Variants in DENND3 observed in about 807,000 individuals in gnomAD.
The protein encoded by DENND3 is DENN domain containing 3.
In DENND3, 88 loss-of-function variants were observed where a neutral mutation model predicts 135.1. That is an observed-to-expected ratio of 0.65 (90% CI 0.55 to 0.78). The LOEUF is 0.78. Ranked by LOEUF, DENND3 falls within the 30% of genes least tolerant of loss-of-function variation. DENND3 has a pLI of 0.00. For missense variants in DENND3, 1,392 were observed against 1,688.4 expected (o/e 0.82, Z 3.08); for synonymous variants, 693 against 712.3 (o/e 0.97, Z 0.43).
chr8:141,144,613 C>G lies in DENND3; in HGVS notation c.735+354C>G, dbSNP rs897291599. ...ACTGAACAGGTTCCCTCTTGGCCAA[C>G]GGGACCCTAGAAAAACCTTAAAAAT... On this transcript the variant is annotated intron_variant, in intron 5 of 22. Transcript: ENST00000519811. This position sits in a 1 kb window ranked among gnomAD's most constrained non-coding sequence, Gnocchi z 4.4. 7.9e-5 allele frequency among the ~76,000 whole-genome samples: 12 copies of G among 151,874 alleles called. No homozygotes were observed. The highest frequency in any genetic ancestry group is 2.7e-4 in the African/African-American group (11 of 41,408).
chr8:141,162,517 T>A (rs981250788), intron 9 of DENND3, among the ~76,000 whole-genome samples: 1 of 152,232 alleles, frequency 6.6e-6, no homozygotes, highest in Non-Finnish European at 1.5e-5. Flanking sequence ...AAGAAAACAC[T>A]GAACACATTA....
intron 8 of DENND3, chr8:141,157,915 A>G (rs1819645108): frequency 3.1e-5 from 27 of 884,432 alleles, no homozygotes; most frequent in Non-Finnish European, 3.8e-5. Flanking sequence ...ATCTGTGACC[A>G]TGCCCGACTA....
rs1179602937 is a variant in DENND3 at position 141,167,897 on chromosome 8, A to AT, written c.1754-103dup. On this transcript the variant is annotated intron_variant, in intron 12 of 22. Transcript: ENST00000519811. The surrounding 1 kb of genome is among the most constrained non-coding windows in gnomAD (Gnocchi z 4.1). ...GAGGGAGCACACCCATTCTCATTTT[A>AT]TTTTGCATCCAGAGAAACATTGTCC... The AT allele has an allele frequency of 1.4e-6, 2 of 1,465,828 alleles. No individual in the cohort carries two copies. Among genetic ancestry groups the AT allele is most frequent in the Non-Finnish European group, 1.8e-6 (2 of 1,086,974 alleles). The allele number at this position is 1,465,828 out of a possible 1,614,324, so 90.8% of individuals were successfully genotyped here. A position where few individuals can be genotyped will look rare whatever the true frequency, so the allele number is the denominator to read the frequency against.
chr8:141,128,847 A>T lies in DENND3; in HGVS notation c.102+38A>T. ...GAAACTGAGGCGGACGTGGGCCACGAGTCGGCAGCCGGGACAGCAGTCGGA... is the reference window on the plus strand; with the variant it reads ...GAAACTGAGGCGGACGTGGGCCACGTGTCGGCAGCCGGGACAGCAGTCGGA... On this transcript the variant is annotated intron_variant, in intron 1 of 22. Coordinates refer to ENST00000519811, the MANE Select transcript of DENND3 (RefSeq NM_001352890.3). The surrounding 1 kb of genome is among the most constrained non-coding windows in gnomAD (Gnocchi z 4.5). The T allele has an allele frequency of 2.2e-6, 3 of 1,334,526 alleles. No homozygotes were observed. The highest frequency in any genetic ancestry group is 2.9e-6 in the Non-Finnish European group (3 of 1,029,636). 82.7% of individuals were successfully genotyped at this position (1,334,526 alleles called of 1,614,324 possible). A position where few individuals can be genotyped will look rare whatever the true frequency, so the allele number is the denominator to read the frequency against.
chr8:141,169,555 C>T (rs1393753489), intron 13 of DENND3, among the ~76,000 whole-genome samples: 6 of 152,236 alleles, frequency 3.9e-5, no homozygotes, highest in African/African-American at 1.4e-4. Flanking sequence ...GCTGCGTTTC[C>T]CATGGAGTGC....
rs763749075 is a variant in DENND3 at position 141,178,078 on chromosome 8, C to T, written c.2718C>T (p.Tyr906=). The T allele has an allele frequency of 2.8e-5, 45 of 1,606,446 alleles. No homozygotes were observed. The highest frequency in any genetic ancestry group is 3.4e-5 in the Non-Finnish European group (40 of 1,173,928). The part of the protein sequence containing the change: ...KLADDHKDPH[Y]VQQALTNVLL... ...TGTTTCTGTTGTAGGACCCTCACTA[C>T]GTCCAGCAGGCGCTGACCAACGTCT... Residue 906 remains tyrosine (Y), a synonymous_variant, in exon 16 of 23, where the codon TAC becomes TAT. Coordinates refer to ENST00000519811, the MANE Select transcript of DENND3 (RefSeq NM_001352890.3).
At chr8:141,140,274 A>G (rs1035226954) in intron 3 of DENND3, among the ~76,000 whole-genome samples, 2 of 151,962 alleles carry the variant, frequency 1.3e-5, no homozygotes, top group African/African-American at 4.8e-5. Flanking sequence ...CACCGACACT[A>G]CGTGACTTGA....
In DENND3 at chr8:141,175,025, T is replaced by G. The variant is rs1186848660; in HGVS notation, c.2276-175T>G. On this transcript the variant is annotated intron_variant, in intron 13 of 22. Coordinates refer to ENST00000519811, the MANE Select transcript of DENND3 (RefSeq NM_001352890.3). The surrounding 1 kb of genome is among the most constrained non-coding windows in gnomAD (Gnocchi z 5.4). ...CCTTGACAGCTGGACACACCTGGGC[T>G]GCAGGGAAGGCCCTGGGAAACCTTC... Among the ~76,000 whole-genome samples, 2 of 152,148 alleles carry G rather than the reference T, an allele frequency of 1.3e-5. No homozygotes were observed. The highest frequency in any genetic ancestry group is 1.3e-4 in the Admixed American group (2 of 15,276).
Position 141,195,138 on chromosome 8 carries a change from A to G in DENND3, c.*905A>G, listed in dbSNP as rs9792. 0.49 allele frequency: 74,770 copies of G among 152,236 alleles called. 19,327 individuals carry two copies. The highest frequency in any genetic ancestry group is 0.66 in the East Asian group (3,385 of 5,166). The allele number at this position is 152,236 out of a possible 1,614,324, so 9.4% of individuals were successfully genotyped here. A position where few individuals can be genotyped will look rare whatever the true frequency, so the allele number is the denominator to read the frequency against. ...TGCGTATGTGTACGCGCAGCATGCT[A>G]TACTGAACTCAACAAGATCTTGGCT... On this transcript the variant is annotated 3_prime_UTR_variant, in exon 23 of 23. Transcript: ENST00000519811.
chr8:141,163,383 A>AT lies in DENND3; in HGVS notation c.1403_1404insT (p.Glu468AspfsTer15), dbSNP rs1820380369. The AT allele has an allele frequency of 6.2e-7, 1 of 1,613,450 alleles. No individual in the cohort carries two copies. The highest frequency in any genetic ancestry group is 8.5e-7 in the Non-Finnish European group (1 of 1,179,440). ...GAACACAGAGTCTTTAATAGTGAAG[A>AT]ATTTCTCAAAACCAGGGCTCCAGGG... On this transcript the variant is annotated frameshift_variant, in exon 10 of 23. Transcript: ENST00000519811. LOFTEE classifies it high-confidence loss of function.
intron 17 of DENND3, chr8:141,184,487 A>T (rs1268703962): frequency 6.6e-6 from 1 of 152,272 alleles, no homozygotes. Flanking sequence ...AGTAAAAAAA[A>T]ATAAAAATAA....
Position 141,130,841 on chromosome 8 carries a change from C to T in DENND3, c.102+2032C>T, listed in dbSNP as rs1423819338. Among the ~76,000 whole-genome samples, 1 of 152,102 alleles carries T rather than the reference C, an allele frequency of 6.6e-6. No individual in the cohort carries two copies. Among genetic ancestry groups the T allele is most frequent in the African/African-American group, 2.4e-5 (1 of 41,406 alleles). On this transcript the variant is annotated intron_variant, in intron 1 of 22. Transcript: ENST00000519811. This position sits in a 1 kb window ranked among gnomAD's most constrained non-coding sequence, Gnocchi z 4.2. ...AGCTGGGATTACAGGCGTGTGCCACCATGCCCAGCTAATTTTTGTATTTTT... is the reference window on the plus strand; with the variant it reads ...AGCTGGGATTACAGGCGTGTGCCACTATGCCCAGCTAATTTTTGTATTTTT...
At chr8:141,135,563 C>T (rs962830264) in intron 1 of DENND3, among the ~76,000 whole-genome samples, 4 of 152,152 alleles carry the variant, frequency 2.6e-5, no homozygotes, top group African/African-American at 7.2e-5. Flanking sequence ...TTTGCTGTTT[C>T]GGGCTAGTTT....
Position 141,163,391 on chromosome 8 carries a change from A to G in DENND3, c.1411A>G (p.Lys471Glu), listed in dbSNP as rs1292560174. ...AGTCTTTAATAGTGAAGAATTTCTC[A>G]AAACCAGGGCTCCAGGGGACCATCA... ...HRVFNSEEFL[K>E]TRAPGDHQFY... Residue 471 changes from lysine (K) to glutamate (E), a missense_variant, in exon 10 of 23, where the codon AAA becomes GAA. Lys to Glu is a moderately conservative substitution (Grantham distance 56). Coordinates refer to ENST00000519811, the MANE Select transcript of DENND3 (RefSeq NM_001352890.3). 1 of 1,612,918 alleles carries G rather than the reference A, an allele frequency of 6.2e-7. No individual in the cohort carries two copies. Among genetic ancestry groups the G allele is most frequent in the Non-Finnish European group, 8.5e-7 (1 of 1,178,932 alleles).
At chr8:141,185,358 C>A in intron 18 of DENND3, 80 bp downstream of exon 18, 2 of 1,572,832 alleles carry the variant, frequency 1.3e-6, no homozygotes, top group South Asian at 1.1e-5. Flanking sequence ...CCATATTCGA[C>A]AGTAGGATAC....
At chr8:141,135,152 CTTT>C (rs532006355) in intron 1 of DENND3, among the ~76,000 whole-genome samples, 75 of 134,930 alleles carry the variant, frequency 5.6e-4, no homozygotes, top group Admixed American at 1.9e-3. Flanking sequence ...TTCTTTCTTT[CTTT>C]TTTTTTTTTT....
Position 141,168,016 on chromosome 8 carries a change from C to G in DENND3, c.1766C>G (p.Thr589Arg). 1 of 1,608,386 alleles carries G rather than the reference C, an allele frequency of 6.2e-7. No homozygotes were observed. Among genetic ancestry groups the G allele is most frequent in the Non-Finnish European group, 8.5e-7 (1 of 1,175,892 alleles). The change falls in exon 13 of 23, where the codon ACG (threonine) becomes AGG (arginine). Residue 589 changes from threonine (T) to arginine (R), a missense_variant. Coordinates refer to ENST00000519811, the MANE Select transcript of DENND3 (RefSeq NM_001352890.3). The surrounding 1 kb of genome is among the most constrained non-coding windows in gnomAD (Gnocchi z 6.2). ...CTGAATGTTTTAGTTCTGAATGTCACGCCGAAGTCCCCGTATACATTCAAG... is the reference window on the plus strand; with the variant it reads ...CTGAATGTTTTAGTTCTGAATGTCAGGCCGAAGTCCCCGTATACATTCAAG... ...CRGSSAVLNV[T>R]PKSPYTFKIP... is the part of the protein sequence containing the mutation.
intron 7 of DENND3, among the ~76,000 whole-genome samples, chr8:141,152,977 G>A (rs183291188): frequency 1.3e-5 from 2 of 152,254 alleles, no homozygotes; most frequent in East Asian, 3.9e-4. Context: ...GTATCTCACT[G>A]TGGTTTGATG....
rs551237031 is a variant in DENND3 at position 141,144,495 on chromosome 8, C to T, written c.735+236C>T. ...GCCAGAATGGAAGGGAGGTCAGACA[C>T]GCCTGGTTATACCCTCTCCCTCTTG... is the stretch of plus-strand genomic sequence containing the variant. On this transcript the variant is annotated intron_variant, in intron 5 of 22. Coordinates refer to ENST00000519811, the MANE Select transcript of DENND3 (RefSeq NM_001352890.3). This position sits in a 1 kb window ranked among gnomAD's most constrained non-coding sequence, Gnocchi z 4.4. Among the ~76,000 whole-genome samples, 17 of 152,188 alleles carry T rather than the reference C, an allele frequency of 1.1e-4. No individual in the cohort carries two copies. The highest frequency in any genetic ancestry group is 2.4e-4 in the African/African-American group (10 of 41,510).
Sources: gnomAD v4.1 joint callset for allele counts (sites outside exome capture counted in the v4.1 genomes callset) on GRCh38, gnomAD v4.1.1 for gene constraint, Gnocchi (gnomAD v3.1) non-coding constraint, MANE v1.5 for transcripts, NCBI Gene and HGNC (gene_info 2026-07-23, HGNC 2026-07-21) for gene names.